The following LDLRAD4 variants were observed in gnomAD, a reference collection of about 807,000 sequenced individuals.
LDLRAD4 encodes the protein low-density lipoprotein receptor class A domain-containing protein 4.
Under a neutral mutation model 17.0 loss-of-function variants are expected in LDLRAD4, and 5 were observed. The observed-to-expected ratio is 0.29, with a 90% CI of 0.15 to 0.62. The LOEUF is 0.62. Among genes scored for constraint, LDLRAD4 ranks in the 20% least tolerant of loss-of-function variants. The pLI is 0.84. For synonymous variants in LDLRAD4, 168 were observed against 171.8 expected, an observed-to-expected ratio of 0.98 and a Z score of 0.17; for missense variants, 340 against 424.7, an observed-to-expected ratio of 0.80 and a Z score of 1.75.
chr18:13,344,016 C>T (rs2082534038), intron 1 of LDLRAD4, among the ~76,000 whole-genome samples: 2 of 152,244 alleles, frequency 1.3e-5, no homozygotes, highest in South Asian at 4.2e-4. Context: ...CAAAAATATT[C>T]TCCCATTCTG....
chr18:13,420,874 C>T (rs970878063), intron 2 of LDLRAD4: 1 of 152,224 alleles, frequency 6.6e-6, no homozygotes, highest in African/African-American at 2.4e-5. Flanking sequence ...TGGAAGGCAC[C>T]TCAGGACTCA....
Position 13,367,209 on chromosome 18 carries a change from C to T in LDLRAD4, c.-382-20132C>T, listed in dbSNP as rs562886043. Among the ~76,000 whole-genome samples the T allele has an allele frequency of 1.9e-4, 29 of 152,300 alleles. No homozygotes were observed. Among genetic ancestry groups the T allele is most frequent in the African/African-American group, 6.5e-4 (27 of 41,550 alleles). ...CCCTCCAGCCCCACTCCGTTACAAC[C>T]AGTGGAGGTGGAACTTGGAATCTTT... On this transcript the variant is annotated intron_variant, in intron 1 of 5. Coordinates refer to ENST00000359446, the Ensembl canonical transcript of LDLRAD4. This position sits in a 1 kb window ranked among gnomAD's most constrained non-coding sequence, Gnocchi z 4.1.
chr18:13,311,343 C>A (rs995992884), intron 1 of LDLRAD4, among the ~76,000 whole-genome samples: 3 of 152,242 alleles, frequency 2.0e-5, no homozygotes, highest in Non-Finnish European at 2.9e-5. Context: ...TACCGATCCA[C>A]CCTCATGTGA....
At chr18:13,522,365 A>G (rs2093965710) in intron 3 of LDLRAD4, 1 of 152,024 alleles carries the variant, frequency 6.6e-6, no homozygotes, top group Admixed American at 6.6e-5. Flanking sequence ...TTGTTTTTTT[A>G]ATATTTGTGT....
chr18:13,366,511 C>A (rs1014169776), intron 1 of LDLRAD4, among the ~76,000 whole-genome samples: 8 of 152,304 alleles, frequency 5.3e-5, no homozygotes, highest in African/African-American at 1.9e-4. Context: ...ATCAGTATTT[C>A]TCTGCCCTGA....
intron 1 of LDLRAD4, among the ~76,000 whole-genome samples, chr18:13,262,094 CTGTGTGTGGAAACTGAGTCCCGTGCAGCT>C (rs2043863679): frequency 3.7e-5 from 4 of 109,488 alleles, no homozygotes; most frequent in South Asian, 3.1e-4. Context: ...CCGTGTGGCT[CTGTGTGTGGAAACTGAGTCCCGTGCAGCT>C]CTGTGCGTGG....
intron 1 of LDLRAD4, among the ~76,000 whole-genome samples, chr18:13,247,050 C>A (rs1427378561): frequency 6.6e-6 from 1 of 151,954 alleles, no homozygotes; most frequent in Non-Finnish European, 1.5e-5. Context: ...TAGACCTCTA[C>A]CTGTCATGAT....
intron 1 of LDLRAD4, among the ~76,000 whole-genome samples, chr18:13,229,018 G>A (rs1374163352): frequency 2.0e-5 from 3 of 152,226 alleles, no homozygotes; most frequent in African/African-American, 7.2e-5. Flanking sequence ...AACATTGTAT[G>A]TTGGAGTTTT....
chr18:13,459,159 CAAAAAAAAAAAA>C lies in LDLRAD4; in HGVS notation c.181+20796_181+20807del, dbSNP rs534798084. On this transcript the variant is annotated intron_variant, in intron 3 of 5. Coordinates refer to ENST00000359446, the Ensembl canonical transcript of LDLRAD4. Reference sequence around the variant, plus strand: ...ACATAGTGAGACTCCATCTCTACACCAAAAAAAAAAAAAAAAAAAAAAAAAAAAAAAAGCCAG... The same window carrying C: ...ACATAGTGAGACTCCATCTCTACACCAAAAAAAAAAAAAAAAAAAAGCCAG... Among the ~76,000 whole-genome samples, 49 of 53,744 alleles carry C rather than the reference CAAAAAAAAAAAA, an allele frequency of 9.1e-4. 1 individual carries two copies. Among genetic ancestry groups the C allele is most frequent in the African/African-American group, 2.6e-3 (43 of 16,610 alleles). 35.3% of individuals were successfully genotyped at this position (53,744 alleles called of 152,430 possible). A position where few individuals can be genotyped will look rare whatever the true frequency, so the allele number is the denominator to read the frequency against.
intron 1 of LDLRAD4, among the ~76,000 whole-genome samples, chr18:13,323,178 A>G (rs936318623): frequency 1.3e-5 from 2 of 152,238 alleles, no homozygotes; most frequent in Non-Finnish European, 2.9e-5. Context: ...TTGCCTTTTA[A>G]AAGATAGGTC....
chr18:13,508,836 G>GCTA (rs2147423035), intron 3 of LDLRAD4, among the ~76,000 whole-genome samples: 1 of 152,312 alleles, frequency 6.6e-6, no homozygotes, highest in Admixed American at 6.5e-5. Context: ...GGATTGAGGA[G>GCTA]CAATTTTTAC....
intron 2 of LDLRAD4, among the ~76,000 whole-genome samples, chr18:13,436,023 G>C (rs940130671): frequency 1.3e-5 from 2 of 152,208 alleles, no homozygotes; most frequent in Non-Finnish European, 1.5e-5. Flanking sequence ...TATTTCACAG[G>C]GTTCTTATGA....
intron 3 of LDLRAD4, among the ~76,000 whole-genome samples, chr18:13,453,057 T>G (rs1179721572): frequency 6.6e-6 from 1 of 152,160 alleles, no homozygotes; most frequent in Non-Finnish European, 1.5e-5. Context: ...GGGGTGCACA[T>G]GAGCGAGCGT....
At chr18:13,590,492 A>G (rs1442523929) in intron 3 of LDLRAD4, among the ~76,000 whole-genome samples, 1 of 152,218 alleles carries the variant, frequency 6.6e-6, no homozygotes, top group Non-Finnish European at 1.5e-5. Flanking sequence ...GTGACTGTTC[A>G]GAATGTACAC....
exon 2 of LDLRAD4, chr18:13,387,625 C>A: frequency 8.9e-7 from 1 of 1,127,558 alleles, no homozygotes; most frequent in Non-Finnish European, 1.3e-6. Flanking sequence ...GAGCGATGGA[C>A]TTGGACAGGC....
intron 1 of LDLRAD4, among the ~76,000 whole-genome samples, chr18:13,342,646 A>G (rs1043197228): frequency 6.6e-6 from 1 of 151,660 alleles, no homozygotes; most frequent in Non-Finnish European, 1.5e-5. Flanking sequence ...TAGTATAGCC[A>G]CCACTGCTCT....
At chr18:13,494,823 C>T (rs1036856221) in intron 3 of LDLRAD4, among the ~76,000 whole-genome samples, 5 of 143,608 alleles carry the variant, frequency 3.5e-5, no homozygotes, top group African/African-American at 5.2e-5. Flanking sequence ...TGATTGTTCA[C>T]GAAGTCTTCA....
intron 1 of LDLRAD4, among the ~76,000 whole-genome samples, chr18:13,385,764 G>A (rs1341195116): frequency 6.6e-6 from 1 of 152,192 alleles, no homozygotes; most frequent in Non-Finnish European, 1.5e-5. Context: ...TGTAGGACCT[G>A]CATGTTGGCC....
chr18:13,274,229 G>C (rs1474756416), upstream of LDLRAD4, among the ~76,000 whole-genome samples: 4 of 152,136 alleles, frequency 2.6e-5, no homozygotes, highest in Non-Finnish European at 4.4e-5. Flanking sequence ...GTGAGGTTAT[G>C]GAAAAAGCCT....
Sources: gnomAD v4.1 joint callset for allele counts (sites outside exome capture counted in the v4.1 genomes callset) on GRCh38, gnomAD v4.1.1 for gene constraint, Gnocchi (gnomAD v3.1) non-coding constraint, MANE v1.5 for transcripts, NCBI Gene and HGNC (gene_info 2026-07-23, HGNC 2026-07-21) for gene names.